The following GALNT3 variants were observed in gnomAD, a reference collection of about 807,000 sequenced individuals.
The protein encoded by GALNT3 is polypeptide N-acetylgalactosaminyltransferase 3.
A neutral mutation model predicts 69.8 loss-of-function variants in GALNT3; 51 were observed. That is an observed-to-expected ratio of 0.73 (90% CI 0.58 to 0.92). GALNT3 has a LOEUF of 0.92. GALNT3 is among the 40% of genes least tolerant of loss of function. GALNT3 has a pLI of 0.00. For missense variants in GALNT3, 711 were observed against 760.0 expected, an observed-to-expected ratio of 0.94 and a Z score of 0.76; for synonymous variants, 265 against 248.5, an observed-to-expected ratio of 1.07 and a Z score of -0.63.
chr2:165,752,761 G>T (rs1688377298), intron 9 of GALNT3, among the ~76,000 whole-genome samples: 1 of 152,132 alleles, frequency 6.6e-6, no homozygotes, highest in South Asian at 2.1e-4. Flanking sequence ...AACAAATGCA[G>T]AAATATTTCC....
At chr2:165,760,261 T>C (rs2105408416) in intron 4 of GALNT3, among the ~76,000 whole-genome samples, 1 of 152,158 alleles carries the variant, frequency 6.6e-6, no homozygotes, top group South Asian at 2.1e-4. Context: ...TAGGAGAAAA[T>C]AAGGAGTCAG....
intron 9 of GALNT3, among the ~76,000 whole-genome samples, chr2:165,752,330 C>T (rs1172872612): frequency 6.6e-6 from 1 of 152,162 alleles, no homozygotes; most frequent in African/African-American, 2.4e-5. Context: ...AAAATAACCA[C>T]CCTACCCCGA....
chr2:165,759,184 C>T (rs1384113777), intron 5 of GALNT3, 152 bp downstream of exon 5: 1 of 709,912 alleles, frequency 1.4e-6, no homozygotes, highest in Non-Finnish European at 2.4e-6. Context: ...TAAGCAAGTA[C>T]ACAAATGAAT....
At chr2:165,771,706 G>T (rs1323453318) in intron 1 of GALNT3, 1 of 152,100 alleles carries the variant, frequency 6.6e-6, no homozygotes, top group Non-Finnish European at 1.5e-5. Flanking sequence ...AAATTTGCAG[G>T]GACGAAGGGG....
At chr2:165,758,506 T>G (rs943190476) in intron 6 of GALNT3, 2 of 338,752 alleles carry the variant, frequency 5.9e-6, no homozygotes, top group African/African-American at 4.3e-5. Flanking sequence ...GTGCATTAAT[T>G]GGTGTTACTG....
chr2:165,766,549 A>T (rs563713258), intron 2 of GALNT3, among the ~76,000 whole-genome samples: 1 of 133,494 alleles, frequency 7.5e-6, no homozygotes, highest in South Asian at 2.4e-4. Context: ...ATGAAAGAAC[A>T]TATAGGAGAG....
At chr2:165,750,847 G>A (rs1299957780) in intron 9 of GALNT3, among the ~76,000 whole-genome samples, 4 of 152,070 alleles carry the variant, frequency 2.6e-5, no homozygotes, top group African/African-American at 9.7e-5. Context: ...CTAAGACTTT[G>A]CTTTACAGTC....
At chr2:165,792,049 G>A (rs146661527) in intron 1 of GALNT3, among the ~76,000 whole-genome samples, 2 of 152,278 alleles carry the variant, frequency 1.3e-5, no homozygotes, top group East Asian at 3.9e-4. Context: ...TCAAGCCACT[G>A]GAATGATCAT....
At chr2:165,774,442 T>C (rs1688810343) in intron 1 of GALNT3, among the ~76,000 whole-genome samples, 1 of 152,218 alleles carries the variant, frequency 6.6e-6, no homozygotes, top group Admixed American at 6.5e-5. Context: ...TCAGAAATCA[T>C]ACTTGTGGAT....
rs1413548211 is a variant in GALNT3 at position 165,794,012 on chromosome 2, T to C, written c.-109+3A>G. 1.3e-5 allele frequency: 2 copies of C among 152,322 alleles called. No homozygotes were observed. Among genetic ancestry groups the C allele is most frequent in the African/African-American group, 4.8e-5 (2 of 41,450 alleles). The allele number at this position is 152,322 out of a possible 1,614,324, so 9.4% of individuals were successfully genotyped here. ...CGTCTCCCTCCGCCTGCCGCCGGCTTACCTGGCGGGTGGGCAGGGCAGGGT... is the reference window on the plus strand; with the variant it reads ...CGTCTCCCTCCGCCTGCCGCCGGCTCACCTGGCGGGTGGGCAGGGCAGGGT... On this transcript the variant is annotated splice_donor_region_variant and intron_variant, in intron 1 of 10. Coordinates refer to ENST00000392701, the MANE Select transcript of GALNT3 (RefSeq NM_004482.4).
chr2:165,748,562 A>G lies in GALNT3; in HGVS notation c.*219T>C, dbSNP rs1688300790. 1.8e-6 allele frequency: 1 copy of G among 543,434 alleles called. No homozygotes were observed. The highest frequency in any genetic ancestry group is 3.2e-5 in the Admixed American group (1 of 31,520). 33.7% of individuals were successfully genotyped at this position (543,434 alleles called of 1,614,324 possible). On this transcript the variant is annotated 3_prime_UTR_variant, in exon 11 of 11. Coordinates refer to ENST00000392701, the MANE Select transcript of GALNT3 (RefSeq NM_004482.4). The stretch of plus-strand genomic sequence containing the variant: ...AACATCTCTTCCCCTACATCTGGAC[A>G]TTTTGAAATAGTCTTTGGTATTACT...
chr2:165,780,663 T>C (rs1314051103), intron 1 of GALNT3, among the ~76,000 whole-genome samples: 2 of 151,668 alleles, frequency 1.3e-5, no homozygotes, highest in Non-Finnish European at 3.0e-5. Flanking sequence ...TTGTTGTTGT[T>C]GTTGTTGTTG....
chr2:165,782,134 A>T (rs1013240150), intron 1 of GALNT3, among the ~76,000 whole-genome samples: 1 of 152,148 alleles, frequency 6.6e-6, no homozygotes, highest in Admixed American at 6.5e-5. Flanking sequence ...TCTTATTTCA[A>T]ATCTTTGATA....
chr2:165,767,867 ATCT>A (rs1559000473), intron 2 of GALNT3, among the ~76,000 whole-genome samples: 1 of 136,254 alleles, frequency 7.3e-6, no homozygotes, highest in Non-Finnish European at 1.6e-5. Context: ...TAAAAAACAA[ATCT>A]TTTTTTTTTT....
intron 4 of GALNT3, among the ~76,000 whole-genome samples, chr2:165,760,114 T>A (rs909332437): frequency 1.3e-5 from 2 of 152,182 alleles, no homozygotes; most frequent in Non-Finnish European, 1.5e-5. Flanking sequence ...AGATGATGTG[T>A]TAAAATGGCC....
At chr2:165,778,932 C>T (rs549102401) in intron 1 of GALNT3, among the ~76,000 whole-genome samples, 2 of 3,608 alleles carry the variant, frequency 5.5e-4, no homozygotes, top group Non-Finnish European at 0.024. Flanking sequence ...TGTGGGGCCC[C>T]GAGTTTGGCA....
chr2:165,759,676 G>C (rs994730602), intron 4 of GALNT3, 106 bp from the exon 5 acceptor site: 2 of 827,778 alleles, frequency 2.4e-6, no homozygotes, highest in Non-Finnish European at 4.0e-6. Context: ...GAGTCAATTT[G>C]TGTTTTGAAC....
chr2:165,786,769 A>G (rs6719076), intron 1 of GALNT3, among the ~76,000 whole-genome samples: 1,618 of 152,290 alleles, frequency 0.011, 37 homozygotes, highest in African/African-American at 0.036. Context: ...AACCTTGTAA[A>G]TAGAGGCAAA....
At chr2:165,778,880 T>C (rs923285606) in intron 1 of GALNT3, among the ~76,000 whole-genome samples, 3 of 151,834 alleles carry the variant, frequency 2.0e-5, no homozygotes, top group Non-Finnish European at 4.4e-5. Context: ...GCTGGCTGCC[T>C]GGGACAAAGG....
Sources: gnomAD v4.1 joint callset for allele counts (sites outside exome capture counted in the v4.1 genomes callset) on GRCh38, gnomAD v4.1.1 for gene constraint, MANE v1.5 for transcripts, NCBI Gene and HGNC (gene_info 2026-07-23, HGNC 2026-07-21) for gene names.